The following ARHGEF40 variants were observed in gnomAD, a reference collection of about 807,000 sequenced individuals.
ARHGEF40 encodes the protein Rho guanine nucleotide exchange factor (GEF) 40.
ARHGEF40 carries 98 observed loss-of-function variants against 165.9 expected under a neutral mutation model. The ratio of observed to expected loss-of-function variants is 0.59; its 90% CI spans 0.50 to 0.70. The LOEUF (loss-of-function observed/expected upper bound fraction) is 0.70. Ranked by LOEUF, ARHGEF40 falls within the 30% of genes least tolerant of loss-of-function variation. ARHGEF40 has a pLI of 0.00. For missense variants in ARHGEF40, 1,815 were observed against 1,968.0 expected, an observed-to-expected ratio of 0.92 and a Z score of 1.47; for synonymous variants, 792 against 814.3, an observed-to-expected ratio of 0.97 and a Z score of 0.47.
At chr14:21,067,841 CAT>C (rs1486281127), upstream of ARHGEF40, among the ~76,000 whole-genome samples, 1 of 151,730 alleles carries the variant, frequency 6.6e-6, no homozygotes, top group Admixed American at 6.5e-5. Context: ...GCTGCAACCA[CAT>C]GTCACTTACT....
rs749743127 is a variant in ARHGEF40, at chr14:21,073,972, C to T, written c.242C>T (p.Pro81Leu). Residue 81 changes from proline (P) to leucine (L), a missense_variant, in exon 3 of 24, where the codon CCG becomes CTG. Pro to Leu is a moderately conservative substitution (Grantham distance 98). Coordinates refer to ENST00000298694, the MANE Select transcript of ARHGEF40 (RefSeq NM_018071.5). This position sits in a 1 kb window ranked among gnomAD's most constrained non-coding sequence, Gnocchi z 4.6. ...TTCCTCTTCTTCCATGAGGGGTGGC[C>T]GCTCTGCCTGCATGAACAGGTGGTG... ...SGFLFFHEGW[P>L]LCLHEQVVVQ... 5 of 1,610,220 alleles carry T rather than the reference C, an allele frequency of 3.1e-6. No homozygotes were observed. The highest frequency in any genetic ancestry group is 1.3e-5 in the African/African-American group (1 of 74,978).
chr14:21,061,955 A>C, the ARHGEF40 span, among the ~76,000 whole-genome samples: 1 of 152,260 alleles, frequency 6.6e-6, no homozygotes, highest in African/African-American at 2.4e-5. Context: ...TTATAAGGAC[A>C]TGGAATATAT....
chr14:21,081,231 G>T, intron 13 of ARHGEF40: 1 of 840,570 alleles, frequency 1.2e-6, no homozygotes, highest in Non-Finnish European at 1.8e-6. Context: ...GGCTGCTGTG[G>T]GGATTACACG....
chr14:21,074,316 C>T lies in ARHGEF40; in HGVS notation c.586C>T (p.His196Tyr), dbSNP rs751006937. 4.5e-5 allele frequency: 72 copies of T among 1,614,068 alleles called. No homozygotes were observed. The Admixed American group carries it at 6.3e-4, about 14-fold the overall frequency. ...FVHKEGLMVG[H>Y]QPSTLPPELP... is the part of the protein sequence containing the mutation. The stretch of plus-strand genomic sequence containing the variant: ...GCACAAAGAGGGCCTCATGGTTGGA[C>T]ATCAGCCAAGTACACTGCCCCCAGA... The change falls in exon 3 of 24, where the codon CAT becomes TAT. Residue 196 changes from histidine (H) to tyrosine (Y), a missense_variant. Transcript: ENST00000298694. This position sits in a 1 kb window ranked among gnomAD's most constrained non-coding sequence, Gnocchi z 4.8.
In ARHGEF40 at chr14:21,081,759, G is replaced by T; in HGVS notation, c.2891G>T (p.Gly964Val). 6.3e-7 allele frequency: 1 copy of T among 1,588,196 alleles called. No individual in the cohort carries two copies. Among genetic ancestry groups the T allele is most frequent in the Non-Finnish European group, 8.6e-7 (1 of 1,167,856 alleles). The change falls in exon 14 of 24, where the codon GGC becomes GTC. Residue 964 changes from glycine (G) to valine (V), a missense_variant. Physicochemically the swap from Gly to Val is moderately radical, Grantham distance 109. Transcript: ENST00000298694. ...QHVGEEASPR[G>V]YRRRRADGAS... is the part of the protein sequence containing the mutation. ...GTGGGAGAGGAGGCGAGCCCACGGG[G>T]CTACCGACGACGGCGGGCAGACGGT...
Position 21,073,569 on chromosome 14 carries a change from C to G in ARHGEF40, c.201+327C>G, listed in dbSNP as rs1214326632. Reference sequence around the variant, plus strand: ...CCCCTCATATGAATTTCTCAAGACACTAACTCCCCCGTACATTAGTCAACA... The same window carrying G: ...CCCCTCATATGAATTTCTCAAGACAGTAACTCCCCCGTACATTAGTCAACA... On this transcript the variant is annotated intron_variant, in intron 2 of 23. Coordinates refer to ENST00000298694, the MANE Select transcript of ARHGEF40 (RefSeq NM_018071.5). The surrounding 1 kb of genome is among the most constrained non-coding windows in gnomAD (Gnocchi z 4.6). 6.6e-6 allele frequency among the ~76,000 whole-genome samples: 1 copy of G among 152,136 alleles called. No homozygotes were observed. Among genetic ancestry groups the G allele is most frequent in the Non-Finnish European group, 1.5e-5 (1 of 68,028 alleles).
intron 10 of ARHGEF40, 51 bp from the exon 11 acceptor site, chr14:21,078,833 T>C (rs772314186): frequency 1.9e-6 from 3 of 1,593,152 alleles, no homozygotes; most frequent in South Asian, 1.1e-5. Context: ...AAGGACAGAA[T>C]TGAGGGGCTC....
chr14:21,082,967 C>T, intron 16 of ARHGEF40, 50 bp downstream of exon 16: 2 of 1,553,800 alleles, frequency 1.3e-6, no homozygotes, highest in South Asian at 1.1e-5. Flanking sequence ...CCAGAAAGAC[C>T]TAAAAACCCA....
At chr14:21,084,337 C>A (rs566597716) in intron 17 of ARHGEF40, among the ~76,000 whole-genome samples, 1 of 152,334 alleles carries the variant, frequency 6.6e-6, no homozygotes, top group African/African-American at 2.4e-5. Context: ...CATACTTCCT[C>A]CTGCACCTCA....
intron 8 of ARHGEF40, among the ~76,000 whole-genome samples, chr14:21,077,626 T>C (rs185149128): frequency 6.8e-4 from 103 of 152,284 alleles, no homozygotes; most frequent in African/African-American, 2.4e-3. Context: ...CATCCAGGCC[T>C]CAGGATCCTC....
intron 16 of ARHGEF40, among the ~76,000 whole-genome samples, chr14:21,083,503 T>C (rs1273704043): frequency 1.3e-5 from 2 of 152,096 alleles, no homozygotes; most frequent in African/African-American, 4.8e-5. Context: ...TGAGCCGAGA[T>C]TGTGCCACTG....
chr14:21,086,732 T>A, intron 19 of ARHGEF40: 3 of 420,342 alleles, frequency 7.1e-6, no homozygotes, highest in South Asian at 3.0e-5. Flanking sequence ...AGATGCAGAG[T>A]AGAAATTAGG....
intron 22 of ARHGEF40, 87 bp from the exon 23 acceptor site, chr14:21,088,743 T>G: frequency 2.2e-6 from 3 of 1,387,330 alleles, no homozygotes; most frequent in Non-Finnish European, 1.0e-6. Context: ...AGAGGTGAAT[T>G]GACAGGCTTG....
intron 8 of ARHGEF40, 91 bp downstream of exon 8, chr14:21,076,981 C>T (rs779156383): frequency 2.3e-4 from 248 of 1,098,158 alleles, no homozygotes; most frequent in Non-Finnish European, 2.8e-4. Context: ...CAGGACATAC[C>T]ATGAGGTTGC....
At position 21,073,360 on chromosome 14, in the gene ARHGEF40, T is replaced by C. The variant is rs1887137540; in HGVS notation, c.201+118T>C. 1.5e-5 allele frequency: 17 copies of C among 1,167,614 alleles called. No homozygotes were observed. Among genetic ancestry groups the C allele is most frequent in the Admixed American group, 2.3e-5 (1 of 43,652 alleles). The allele number at this position is 1,167,614 out of a possible 1,614,324, so 72.3% of individuals were successfully genotyped here. ...GAGATACAGCCTCCCTTGAAACCGA[T>C]CTCTCCAGAATCACTTAAGCTTCAT... On this transcript the variant is annotated intron_variant, in intron 2 of 23. Coordinates refer to ENST00000298694, the MANE Select transcript of ARHGEF40 (RefSeq NM_018071.5). This position sits in a 1 kb window ranked among gnomAD's most constrained non-coding sequence, Gnocchi z 4.6.
Position 21,081,619 on chromosome 14 carries a change from C to T in ARHGEF40, c.2751C>T (p.Gly917=). The T allele has an allele frequency of 1.2e-6, 2 of 1,610,676 alleles. No homozygotes were observed. The highest frequency in any genetic ancestry group is 8.5e-7 in the Non-Finnish European group (1 of 1,179,038). ...ALRRAPEPSA[G]TFQEMRALAL... is the part of the protein sequence containing the mutation. ...GGCGGGCCCCAGAGCCCAGTGCCGG[C>T]ACCTTCCAGGAGATGCGGGCCCTGG... The change falls in exon 14 of 24, where the codon GGC becomes GGT. Residue 917 remains glycine, a synonymous_variant. Transcript: ENST00000298694.
rs1231303777 is a variant in ARHGEF40, at chr14:21,076,611, G to C, written c.1885G>C (p.Asp629His). 9.3e-6 allele frequency: 15 copies of C among 1,614,112 alleles called. No individual in the cohort carries two copies. Among genetic ancestry groups the C allele is most frequent in the East Asian group, 2.2e-5 (1 of 44,902 alleles). The change falls in exon 7 of 24, where the codon GAT becomes CAT. Residue 629 changes from aspartate (D) to histidine (H), a missense_variant. Transcript: ENST00000298694. ...TCAGCGGCTGCTGATTCTCATTCAT[G>C]ATGACCTTCCAACTGAACTCTGTGG... The part of the protein sequence containing the change: ...LVQRLLILIH[D>H]DLPTELCGFQ...
Position 21,089,850 on chromosome 14 carries a change from TGAG to T in ARHGEF40, c.*844_*846del, listed in dbSNP as rs1378394308. ...CAGCACAGTCCAGCAGTTCTCAAAA[TGAG>T]GTCCTCAGGCCACAGTGCGTGAGAA... is the stretch of plus-strand genomic sequence containing the variant. On this transcript the variant is annotated 3_prime_UTR_variant, in exon 24 of 24. Coordinates refer to ENST00000298694, the MANE Select transcript of ARHGEF40 (RefSeq NM_018071.5). 5.6e-6 allele frequency: 1 copy of T among 179,846 alleles called. No homozygotes were observed. Among genetic ancestry groups the T allele is most frequent in the Non-Finnish European group, 1.2e-5 (1 of 84,772 alleles). The allele number at this position is 179,846 out of a possible 1,614,324, so 11.1% of individuals were successfully genotyped here.
In ARHGEF40 at chr14:21,074,512, G is replaced by T; in HGVS notation, c.782G>T (p.Gly261Val). 2 of 1,550,826 alleles carry T rather than the reference G, an allele frequency of 1.3e-6. No homozygotes were observed. Among genetic ancestry groups the T allele is most frequent in the Non-Finnish European group, 1.7e-6 (2 of 1,147,974 alleles). The change falls in exon 3 of 24, where the codon GGC becomes GTC. Residue 261 changes from glycine (G) to valine (V), a missense_variant. By Grantham distance (109) the Gly-to-Val change is moderately radical. Transcript: ENST00000298694. This position sits in a 1 kb window ranked among gnomAD's most constrained non-coding sequence, Gnocchi z 4.8. Reference sequence around the variant, plus strand: ...AGGGGGAGCCCAACAGATGCTGAAGGCTCCCCAGGCCTCTCCAGAGTCCGG... The same window carrying T: ...AGGGGGAGCCCAACAGATGCTGAAGTCTCCCCAGGCCTCTCCAGAGTCCGG... ...PVRGSPTDAE[G>V]SPGLSRVRTV...
Sources: allele counts gnomAD v4.1 joint callset (sites outside exome capture counted in the v4.1 genomes callset), GRCh38; gene constraint gnomAD v4.1.1; non-coding constraint Gnocchi (gnomAD v3.1); transcripts MANE v1.5; gene names NCBI Gene and HGNC (gene_info 2026-07-23, HGNC 2026-07-21).